The following DLGAP2 variants were observed in gnomAD, a reference collection of about 807,000 sequenced individuals.
The protein encoded by DLGAP2 is disks large-associated protein 2.
In DLGAP2, 26 loss-of-function variants were observed where a neutral mutation model predicts 100.3. That is an observed-to-expected ratio of 0.26 (90% CI 0.19 to 0.36). DLGAP2 has a LOEUF of 0.36. Ranked by LOEUF, DLGAP2 falls within the 10% of genes least tolerant of loss-of-function variation. DLGAP2 has a pLI of 1.00. For missense variants in DLGAP2, 1,858 were observed against 1,453.2 expected, an observed-to-expected ratio of 1.28 and a Z score of -4.53; for synonymous variants, 886 against 630.1, an observed-to-expected ratio of 1.41 and a Z score of -6.08.
At chr8:1,192,421 G>A (rs1361937793) in intron 2 of DLGAP2, among the ~76,000 whole-genome samples, 2 of 152,190 alleles carry the variant, frequency 1.3e-5, no homozygotes, top group Non-Finnish European at 2.9e-5. Flanking sequence ...TGAGAACAAT[G>A]AAATCCACTG....
At chr8:1,379,564 T>A (rs186674699) in intron 3 of DLGAP2, 32 of 152,338 alleles carry the variant, frequency 2.1e-4, no homozygotes, top group African/African-American at 7.7e-4. Context: ...TCTCTTCTTG[T>A]AAGAACCGTA....
At chr8:928,284 G>A (rs1798863053) in intron 2 of DLGAP2, among the ~76,000 whole-genome samples, 3 of 152,178 alleles carry the variant, frequency 2.0e-5, no homozygotes, top group Admixed American at 2.0e-4. Context: ...ACGGTTTACC[G>A]AGGTTGAGTG....
chr8:1,443,017 T>C (rs976592526), intron 3 of DLGAP2, among the ~76,000 whole-genome samples: 1 of 152,266 alleles, frequency 6.6e-6, no homozygotes. Flanking sequence ...AAAATTAACT[T>C]TATCATTCTT....
chr8:1,263,170 G>T (rs1277825008), intron 3 of DLGAP2, among the ~76,000 whole-genome samples: 2 of 152,132 alleles, frequency 1.3e-5, no homozygotes, highest in South Asian at 2.1e-4. Context: ...AGCAATCGAG[G>T]CCTCAAGATT....
At chr8:1,308,671 G>T (rs191566500) in intron 3 of DLGAP2, among the ~76,000 whole-genome samples, 26 of 152,190 alleles carry the variant, frequency 1.7e-4, no homozygotes, top group African/African-American at 6.0e-4. Flanking sequence ...GACTACAGGT[G>T]CCCGCTACCA....
chr8:1,115,873 C>T (rs888855251), intron 2 of DLGAP2, among the ~76,000 whole-genome samples: 1 of 152,208 alleles, frequency 6.6e-6, no homozygotes, highest in Non-Finnish European at 1.5e-5. Flanking sequence ...ACACAGGGGA[C>T]TGTGCCAGGT....
At chr8:1,671,949 G>C (rs1798700508) in intron 10 of DLGAP2, among the ~76,000 whole-genome samples, 1 of 152,246 alleles carries the variant, frequency 6.6e-6, no homozygotes, top group Non-Finnish European at 1.5e-5. Flanking sequence ...CTCTGACCCG[G>C]TCTGGCCTGA....
At chr8:1,450,603 C>A (rs530380755) in intron 3 of DLGAP2, among the ~76,000 whole-genome samples, 16 of 152,044 alleles carry the variant, frequency 1.1e-4, no homozygotes, top group Non-Finnish European at 1.9e-4. Flanking sequence ...CTACTTCCTC[C>A]TGCCTACCTT....
chr8:1,173,060 G>T (rs1484443052), intron 2 of DLGAP2, among the ~76,000 whole-genome samples: 2 of 152,078 alleles, frequency 1.3e-5, no homozygotes, highest in East Asian at 3.9e-4. Flanking sequence ...TGGGTTTTTG[G>T]TGTGGATGTC....
intron 13 of DLGAP2, among the ~76,000 whole-genome samples, chr8:1,694,310 G>A (rs56899621): frequency 0.034 from 5,238 of 152,230 alleles, 287 homozygotes; most frequent in African/African-American, 0.12. Context: ...AAAGCCAAAT[G>A]GTCCGCAGCG....
chr8:966,912 C>G (rs1024757452), intron 2 of DLGAP2, among the ~76,000 whole-genome samples: 1 of 152,236 alleles, frequency 6.6e-6, no homozygotes, highest in Non-Finnish European at 1.5e-5. Flanking sequence ...TTGTGCTTCA[C>G]TGTGCCTTTT....
chr8:1,263,282 T>A (rs1269396295), intron 3 of DLGAP2, among the ~76,000 whole-genome samples: 2 of 152,202 alleles, frequency 1.3e-5, no homozygotes, highest in Admixed American at 1.3e-4. Flanking sequence ...ATTCAAGTCT[T>A]AAAAAAACTA....
chr8:1,622,707 A>G (rs777167673), intron 6 of DLGAP2, among the ~76,000 whole-genome samples: 4 of 152,360 alleles, frequency 2.6e-5, no homozygotes, highest in African/African-American at 4.8e-5. Flanking sequence ...TTATTCTAGA[A>G]AACTTTTCAC....
chr8:1,338,993 G>A (rs1161865481), intron 3 of DLGAP2, among the ~76,000 whole-genome samples: 1 of 150,954 alleles, frequency 6.6e-6, no homozygotes, highest in African/African-American at 2.4e-5. Context: ...GAGGCGTCAG[G>A]ACCTGGCAGG....
intron 3 of DLGAP2, among the ~76,000 whole-genome samples, chr8:1,336,393 G>A (rs1296438769): frequency 2.6e-5 from 4 of 152,212 alleles, no homozygotes; most frequent in African/African-American, 7.2e-5. Context: ...AGGAGGAGGA[G>A]GAAAGGCACC....
chr8:1,651,770 G>C (rs758519816), intron 8 of DLGAP2, among the ~76,000 whole-genome samples: 1 of 152,174 alleles, frequency 6.6e-6, no homozygotes, highest in Non-Finnish European at 1.5e-5. Context: ...CCTTCTGATC[G>C]TATTTTCCAT....
intron 1 of DLGAP2, among the ~76,000 whole-genome samples, chr8:767,339 C>T (rs1373419522): frequency 6.9e-6 from 1 of 144,788 alleles, no homozygotes; most frequent in Non-Finnish European, 1.5e-5. Context: ...TGGCTACTGG[C>T]TGTTGACTGT....
At chr8:1,179,328 G>T (rs1585126647) in intron 2 of DLGAP2, among the ~76,000 whole-genome samples, 1 of 152,222 alleles carries the variant, frequency 6.6e-6, no homozygotes, top group African/African-American at 2.4e-5. Flanking sequence ...CCTGTGCCAA[G>T]GTGGCCAGGC....
intron 3 of DLGAP2, among the ~76,000 whole-genome samples, chr8:1,348,922 A>T (rs1801637127): frequency 6.6e-6 from 1 of 152,090 alleles, no homozygotes; most frequent in Non-Finnish European, 1.5e-5. Flanking sequence ...TTTGGATGTG[A>T]CCTGGATTAT....
Sources: gnomAD v4.1 joint callset for allele counts (sites outside exome capture counted in the v4.1 genomes callset) on GRCh38, gnomAD v4.1.1 for gene constraint, MANE v1.5 for transcripts, NCBI Gene and HGNC (gene_info 2026-07-23, HGNC 2026-07-21) for gene names.